Variants in STK32B observed in about 807,000 individuals in gnomAD.
STK32B encodes serine/threonine kinase 32B, also known as serine/threonine-protein kinase 32B.
In STK32B, 43 loss-of-function variants were observed where a neutral mutation model predicts 52.6. The ratio of observed to expected loss-of-function variants is 0.82; its 90% confidence interval spans 0.64 to 1.05. STK32B has a LOEUF of 1.05. Ranked by LOEUF, STK32B falls within the 50% of genes least tolerant of loss-of-function variation. STK32B has a pLI of 0.00. For synonymous variants in STK32B, 238 were observed against 204.3 expected (o/e 1.17, Z -1.41); for missense variants, 621 against 534.6 (o/e 1.16, Z -1.59).
chr4:5,140,359 C>A, intron 2 of STK32B: 1 of 1,164,900 alleles, frequency 8.6e-7, no homozygotes, highest in South Asian at 1.7e-5. Flanking sequence ...GTATAGAAGG[C>A]TAGGAGAAGA....
intron 3 of STK32B, among the ~76,000 whole-genome samples, chr4:5,254,980 T>TATAATATA (rs1560264131): frequency 7.6e-6 from 1 of 131,946 alleles, no homozygotes; most frequent in African/African-American, 3.8e-5. Flanking sequence ...ATATATATGT[T>TATAATATA]TATTGAGCAT....
intron 3 of STK32B, among the ~76,000 whole-genome samples, chr4:5,262,307 G>A (rs562355107): frequency 3.9e-5 from 6 of 152,210 alleles, no homozygotes; most frequent in African/African-American, 1.4e-4. Context: ...ATAGCTTCCA[G>A]TGTGGAATTC....
intron 11 of STK32B, among the ~76,000 whole-genome samples, chr4:5,484,884 A>C (rs192658012): frequency 6.6e-6 from 1 of 152,234 alleles, no homozygotes; most frequent in African/African-American, 2.4e-5. Context: ...CTGGGTTGAA[A>C]ATTCTTTTCT....
chr4:5,090,930 A>G (rs1369559962), intron 1 of STK32B, among the ~76,000 whole-genome samples: 1 of 152,238 alleles, frequency 6.6e-6, no homozygotes, highest in African/African-American at 2.4e-5. Context: ...TTAAGGACAA[A>G]TAGAAAATCT....
At position 5,398,118 on chromosome 4, in the gene STK32B, T is replaced by C; in HGVS notation, c.435-89T>C. 6.8e-7 allele frequency: 1 copy of C among 1,476,832 alleles called. No homozygotes were observed. Among genetic ancestry groups the C allele is most frequent in the Non-Finnish European group, 9.3e-7 (1 of 1,073,594 alleles). The allele number at this position is 1,476,832 out of a possible 1,614,324, so 91.5% of individuals were successfully genotyped here. ...AGGGAGAGGTGAGCAGCCTGGGTGT[T>C]CCAGCATTTGTCCTGATGTGGTGCT... On this transcript the variant is annotated intron_variant, in intron 4 of 11. Coordinates refer to ENST00000282908, the MANE Select transcript of STK32B (RefSeq NM_018401.3). The surrounding 1 kb of genome is among the most constrained non-coding windows in gnomAD (Gnocchi z 4.9).
intron 3 of STK32B, among the ~76,000 whole-genome samples, chr4:5,317,012 A>G (rs1257018808): frequency 2.5e-5 from 1 of 40,414 alleles, no homozygotes; most frequent in Non-Finnish European, 3.4e-5. Flanking sequence ...TATAATATAT[A>G]TAATATATAA....
intron 6 of STK32B, among the ~76,000 whole-genome samples, chr4:5,432,878 G>A (rs1713717516): frequency 6.6e-6 from 1 of 152,058 alleles, no homozygotes; most frequent in African/African-American, 2.4e-5. Flanking sequence ...TTCACAATAA[G>A]ATTTTGTAGC....
intron 11 of STK32B, among the ~76,000 whole-genome samples, chr4:5,480,464 T>C (rs1718598537): frequency 6.6e-6 from 1 of 152,204 alleles, no homozygotes; most frequent in Non-Finnish European, 1.5e-5. Context: ...GGGGGAGCTT[T>C]CAGGCTATAG....
chr4:5,453,105 A>G lies in STK32B; in HGVS notation c.667-3702A>G, dbSNP rs1265262594. The stretch of plus-strand genomic sequence containing the variant: ...ACTTGTTTTAGTCATCATGTTCCGA[A>G]CTCATTTCTAAATGTATTTCCTGCA... On this transcript the variant is annotated intron_variant, in intron 7 of 11. Coordinates refer to ENST00000282908, the MANE Select transcript of STK32B (RefSeq NM_018401.3). The surrounding 1 kb of genome is among the most constrained non-coding windows in gnomAD (Gnocchi z 4.0). Among the ~76,000 whole-genome samples, 1 of 152,058 alleles carries G rather than the reference A, an allele frequency of 6.6e-6. No individual in the cohort carries two copies. The highest frequency in any genetic ancestry group is 2.4e-5 in the African/African-American group (1 of 41,404).
chr4:5,482,428 T>C lies in STK32B; in HGVS notation c.1106+14358T>C, dbSNP rs1015081383. ...TTAGAATGCTTGTGATTTTTGTACA[T>C]TGATTTTGTATCCTGAGACTTTGCT... On this transcript the variant is annotated intron_variant, in intron 11 of 11. Coordinates refer to ENST00000282908, the MANE Select transcript of STK32B (RefSeq NM_018401.3). Among the ~76,000 whole-genome samples the C allele has an allele frequency of 2.0e-3, 309 of 152,316 alleles. 2 individuals carry two copies. The highest frequency in any genetic ancestry group is 7.1e-3 in the African/African-American group (294 of 41,574).
chr4:5,177,974 G>A (rs1368246005), intron 3 of STK32B, among the ~76,000 whole-genome samples: 3 of 152,212 alleles, frequency 2.0e-5, no homozygotes, highest in East Asian at 1.9e-4. Flanking sequence ...GGTCCAATTT[G>A]TCAGTGTATC....
At chr4:5,476,044 G>A (rs1055713017) in intron 11 of STK32B, among the ~76,000 whole-genome samples, 7 of 151,898 alleles carry the variant, frequency 4.6e-5, no homozygotes, top group East Asian at 3.9e-4. Context: ...ACAGGCACCC[G>A]CCACCACACC....
At chr4:5,145,572 A>G (rs188666309) in intron 2 of STK32B, among the ~76,000 whole-genome samples, 7 of 152,346 alleles carry the variant, frequency 4.6e-5, no homozygotes, top group African/African-American at 1.7e-4. Flanking sequence ...AAAATTTAGT[A>G]TAAAATGGGA....
intron 5 of STK32B, among the ~76,000 whole-genome samples, chr4:5,411,965 A>G (rs749874172): frequency 7.2e-5 from 11 of 152,184 alleles, no homozygotes; most frequent in Non-Finnish European, 1.6e-4. Context: ...AAGCTAGTCT[A>G]TCAATCGTGT....
At position 5,453,098 on chromosome 4, in the gene STK32B, G is replaced by A. The variant is rs1577528463; in HGVS notation, c.667-3709G>A. On this transcript the variant is annotated intron_variant, in intron 7 of 11. Coordinates refer to ENST00000282908, the MANE Select transcript of STK32B (RefSeq NM_018401.3). The surrounding 1 kb of genome is among the most constrained non-coding windows in gnomAD (Gnocchi z 4.0). ...CTGTGGAACTTGTTTTAGTCATCAT[G>A]TTCCGAACTCATTTCTAAATGTATT... is the stretch of plus-strand genomic sequence containing the variant. Among the ~76,000 whole-genome samples, 1 of 152,054 alleles carries A rather than the reference G, an allele frequency of 6.6e-6. No homozygotes were observed. Among genetic ancestry groups the A allele is most frequent in the Non-Finnish European group, 1.5e-5 (1 of 68,018 alleles).
intron 4 of STK32B, among the ~76,000 whole-genome samples, chr4:5,345,801 G>A (rs377537820): frequency 9.2e-5 from 14 of 152,318 alleles, no homozygotes; most frequent in African/African-American, 2.4e-4. Context: ...CCAAGCTTTC[G>A]TGATGGAAAC....
At chr4:5,248,653 A>T (rs1402220175) in intron 3 of STK32B, among the ~76,000 whole-genome samples, 1 of 152,200 alleles carries the variant, frequency 6.6e-6, no homozygotes, top group African/African-American at 2.4e-5. Flanking sequence ...ACTATTCACA[A>T]TAGCAAAGAC....
At chr4:5,101,474 A>G (rs954722464) in intron 1 of STK32B, among the ~76,000 whole-genome samples, 4 of 152,208 alleles carry the variant, frequency 2.6e-5, no homozygotes, top group African/African-American at 9.6e-5. Flanking sequence ...GCTCACAAGA[A>G]GGGGATGGGT....
At chr4:5,450,707 AG>A (rs1189926455) in intron 7 of STK32B, among the ~76,000 whole-genome samples, 1 of 152,232 alleles carries the variant, frequency 6.6e-6, no homozygotes, top group Non-Finnish European at 1.5e-5. Flanking sequence ...TCTACCCAAT[AG>A]GATTGCTTTG....
Sources: allele counts gnomAD v4.1 joint callset (sites outside exome capture counted in the v4.1 genomes callset), GRCh38; gene constraint gnomAD v4.1.1; non-coding constraint Gnocchi (gnomAD v3.1); transcripts MANE v1.5; gene names NCBI Gene and HGNC (gene_info 2026-07-23, HGNC 2026-07-21).